The following ZBTB16 variants were observed in gnomAD, a reference collection of about 807,000 sequenced individuals.
ZBTB16 encodes zinc finger and BTB domain-containing protein 16.
In ZBTB16, 8 loss-of-function variants were observed where a neutral mutation model predicts 56.8. The ratio of observed to expected loss-of-function variants is 0.14; its 90% CI spans 0.08 to 0.25. The LOEUF (loss-of-function observed/expected upper bound fraction) is 0.25, where lower values mean the gene tolerates loss of function less well. ZBTB16 is among the 10% of genes least tolerant of loss of function. The pLI is 1.00. For synonymous variants in ZBTB16, 363 were observed against 368.5 expected (o/e 0.98, Z 0.17); for missense variants, 625 against 903.0 (o/e 0.69, Z 3.95).
chr11:114,142,286 C>T (rs1323317570), intron 2 of ZBTB16, among the ~76,000 whole-genome samples: 2 of 152,070 alleles, frequency 1.3e-5, no homozygotes, highest in African/African-American at 4.8e-5. Context: ...CTCCTTCCCA[C>T]CCCCTTCCCC....
At chr11:114,230,231 G>A (rs951114646) in intron 4 of ZBTB16, among the ~76,000 whole-genome samples, 2 of 152,120 alleles carry the variant, frequency 1.3e-5, no homozygotes, top group Non-Finnish European at 2.9e-5. Context: ...ACGTGCATGT[G>A]CAACACACAC....
chr11:114,119,911 CCTT>C (rs1030648641), intron 2 of ZBTB16, among the ~76,000 whole-genome samples: 61 of 152,296 alleles, frequency 4.0e-4, no homozygotes, highest in African/African-American at 1.4e-3. Context: ...CACGCTGCCT[CCTT>C]CTAGCATTCA....
intron 4 of ZBTB16, chr11:114,209,253 A>C (rs889642666): frequency 8.9e-6 from 4 of 448,184 alleles, no homozygotes; most frequent in African/African-American, 8.5e-5. Context: ...GGGTGCACTT[A>C]TTTTGTGTGC....
chr11:114,117,587 GA>G (rs1439212193), intron 2 of ZBTB16, among the ~76,000 whole-genome samples: 3 of 152,130 alleles, frequency 2.0e-5, no homozygotes, highest in Non-Finnish European at 4.4e-5. Flanking sequence ...TTTTGGCTTG[GA>G]TAACTGGTGG....
At chr11:114,240,027 C>T (rs2135194926) in intron 4 of ZBTB16, among the ~76,000 whole-genome samples, 1 of 152,312 alleles carries the variant, frequency 6.6e-6, no homozygotes, top group African/African-American at 2.4e-5. Flanking sequence ...AGATAAGGTA[C>T]CTAGCATAAC....
At chr11:114,233,454 CCTGCCA>C in intron 4 of ZBTB16, among the ~76,000 whole-genome samples, 1 of 152,038 alleles carries the variant, frequency 6.6e-6, no homozygotes, top group Non-Finnish European at 1.5e-5. Context: ...ATGCCCCCTT[CCTGCCA>C]GAGGCCCCTG....
chr11:114,226,464 G>A (rs1457608031), intron 4 of ZBTB16, among the ~76,000 whole-genome samples: 7 of 152,210 alleles, frequency 4.6e-5, no homozygotes, highest in African/African-American at 2.4e-5. Flanking sequence ...AGGCTCCAGA[G>A]CTGTCAGGCA....
chr11:114,149,261 C>T (rs955379583), intron 2 of ZBTB16, among the ~76,000 whole-genome samples: 2 of 152,172 alleles, frequency 1.3e-5, no homozygotes, highest in African/African-American at 2.4e-5. Flanking sequence ...GCCAGGTCCC[C>T]TGCACTCAGC....
intron 2 of ZBTB16, among the ~76,000 whole-genome samples, chr11:114,130,484 C>T (rs1425875031): frequency 3.9e-5 from 6 of 152,206 alleles, no homozygotes; most frequent in Admixed American, 3.3e-4. Flanking sequence ...TCATAAGTGT[C>T]AGCATCGATG....
chr11:114,063,112 G>A lies in ZBTB16; in HGVS notation c.-90-99G>A. ...AAGGGCTTGGCAACAGGGAGGAGGG[G>A]GCATGTTGTAGTGGTTGAATTCTTA... On this transcript the variant is annotated intron_variant, in intron 1 of 6. Coordinates refer to ENST00000335953, the MANE Select transcript of ZBTB16 (RefSeq NM_006006.6). The surrounding 1 kb of genome is among the most constrained non-coding windows in gnomAD (Gnocchi z 6.5). 2 of 637,572 alleles carry A rather than the reference G, an allele frequency of 3.1e-6. No individual in the cohort carries two copies. The highest frequency in any genetic ancestry group is 5.5e-6 in the Non-Finnish European group (2 of 364,880). 39.5% of individuals were successfully genotyped at this position (637,572 alleles called of 1,614,324 possible). A position where few individuals can be genotyped will look rare whatever the true frequency, so the allele number is the denominator to read the frequency against.
At chr11:114,157,870 C>G (rs529593605) in intron 3 of ZBTB16, among the ~76,000 whole-genome samples, 1 of 152,284 alleles carries the variant, frequency 6.6e-6, no homozygotes, top group South Asian at 2.1e-4. Flanking sequence ...TCTGTTCTTC[C>G]TTCCTGTGGG....
rs1944905086 is a variant in ZBTB16, at chr11:114,250,787, C to T, written c.*232C>T. 1 of 581,650 alleles carries T rather than the reference C, an allele frequency of 1.7e-6. No homozygotes were observed. The highest frequency in any genetic ancestry group is 3.0e-6 in the Non-Finnish European group (1 of 328,368). The allele number at this position is 581,650 out of a possible 1,614,324, so 36.0% of individuals were successfully genotyped here. On this transcript the variant is annotated 3_prime_UTR_variant, in exon 7 of 7. Transcript: ENST00000335953. This position sits in a 1 kb window ranked among gnomAD's most constrained non-coding sequence, Gnocchi z 6.0. Reference sequence around the variant, plus strand: ...CCTCCTCTCCCGGCTGGAGGTTTGCCTGATTTTCTGGGATGGGGTTGGGTA... The same window carrying T: ...CCTCCTCTCCCGGCTGGAGGTTTGCTTGATTTTCTGGGATGGGGTTGGGTA...
chr11:114,184,172 A>G (rs1218197896), intron 3 of ZBTB16, among the ~76,000 whole-genome samples: 1 of 152,252 alleles, frequency 6.6e-6, no homozygotes, highest in Admixed American at 6.5e-5. Flanking sequence ...ACTAGAGTAT[A>G]TCCTGCTCAT....
At chr11:114,173,664 G>T (rs1040288976) in intron 3 of ZBTB16, among the ~76,000 whole-genome samples, 1 of 152,222 alleles carries the variant, frequency 6.6e-6, no homozygotes, top group African/African-American at 2.4e-5. Flanking sequence ...GGCACAAGAA[G>T]AGGGACATGG....
At chr11:114,228,119 G>A (rs1429467806) in intron 4 of ZBTB16, among the ~76,000 whole-genome samples, 1 of 152,146 alleles carries the variant, frequency 6.6e-6, no homozygotes, top group Non-Finnish European at 1.5e-5. Flanking sequence ...TCAGAATCAG[G>A]TCTCTAAATG....
chr11:114,171,619 C>T (rs994751724), intron 3 of ZBTB16, among the ~76,000 whole-genome samples: 1 of 152,362 alleles, frequency 6.6e-6, no homozygotes, highest in Admixed American at 6.5e-5. Flanking sequence ...AGTACTCCAT[C>T]TTTCTGACAC....
intron 4 of ZBTB16, among the ~76,000 whole-genome samples, chr11:114,228,756 G>A (rs899418665): frequency 1.4e-4 from 22 of 152,354 alleles, no homozygotes; most frequent in Middle Eastern, 3.4e-3. Context: ...GGGCGGGGCC[G>A]GTGCCCCCTA....
intron 4 of ZBTB16, among the ~76,000 whole-genome samples, chr11:114,196,008 G>A (rs1387495296): frequency 6.6e-6 from 1 of 152,188 alleles, no homozygotes; most frequent in African/African-American, 2.4e-5. Flanking sequence ...AAAGAAGTGA[G>A]GGCAGATTGA....
rs575090933 is a variant in ZBTB16, at chr11:114,211,633, C to T, written c.1453+24595C>T. Among the ~76,000 whole-genome samples the T allele has an allele frequency of 3.9e-5, 6 of 152,318 alleles. 1 individual carries two copies. Among genetic ancestry groups the T allele is most frequent in the African/African-American group, 1.4e-4 (6 of 41,574 alleles). ...CTGGTTGGCTCCCTTCCCCCTCCCC[C>T]GCATTGGGGTGTTATTGGCGACCCG... On this transcript the variant is annotated intron_variant, in intron 4 of 6. Coordinates refer to ENST00000335953, the MANE Select transcript of ZBTB16 (RefSeq NM_006006.6).
Sources: allele counts gnomAD v4.1 joint callset (sites outside exome capture counted in the v4.1 genomes callset), GRCh38; gene constraint gnomAD v4.1.1; non-coding constraint Gnocchi (gnomAD v3.1); transcripts MANE v1.5; gene names NCBI Gene and HGNC (gene_info 2026-07-23, HGNC 2026-07-21).